Variants in NHSL1 observed in about 807,000 individuals in gnomAD.
NHSL1 encodes the protein NHS like 1.
Under a neutral mutation model 95.0 loss-of-function variants are expected in NHSL1, and 48 were observed. That is an observed-to-expected ratio of 0.51 (90% CI 0.40 to 0.64). NHSL1 has a LOEUF of 0.64. NHSL1 is among the 30% of genes least tolerant of loss of function. The pLI, the probability that NHSL1 is intolerant of heterozygous loss-of-function variation, is 0.00. For synonymous variants in NHSL1, 783 were observed against 833.9 expected (o/e 0.94, Z 1.05); for missense variants, 1,971 against 2,077.7 (o/e 0.95, Z 1.00).
intron 1 of NHSL1, among the ~76,000 whole-genome samples, chr6:138,672,072 A>G (rs1174342445): frequency 2.0e-5 from 3 of 152,170 alleles, no homozygotes; most frequent in Non-Finnish European, 4.4e-5. Context: ...ACAGAGGAAA[A>G]TTTCTTTAAA....
chr6:138,441,964 C>T lies in NHSL1; in HGVS notation c.664+19G>A. 6.5e-7 allele frequency: 1 copy of T among 1,541,560 alleles called. No individual in the cohort carries two copies. Among genetic ancestry groups the T allele is most frequent in the Non-Finnish European group, 8.8e-7 (1 of 1,142,654 alleles). On this transcript the variant is annotated intron_variant, in intron 5 of 7. Transcript: ENST00000343505. ...AGCAGCAGTGAAGGGCAACAGAATA[C>T]AGTTCTGATGAGCCATACCTAGCTC...
At position 138,424,426 on chromosome 6, in the gene NHSL1, A is replaced by T; in HGVS notation, c.4476T>A (p.Phe1492Leu). The change falls in exon 8 of 8, where the codon TTT becomes TTA. Residue 1492 changes from phenylalanine to leucine, a missense_variant. Phe to Leu is a conservative substitution (Grantham distance 22). Around this residue, in one of 3 missense-constraint regions of NHSL1, gnomAD observed 223 missense variants for 217.0 expected, o/e 1.03. Coordinates refer to ENST00000343505, the MANE Select transcript of NHSL1 (RefSeq NM_001144060.2). The surrounding 1 kb of genome is among the most constrained non-coding windows in gnomAD (Gnocchi z 5.9). Reference sequence around the variant, plus strand: ...GGCTGCGGCCGTACCTGGGGCCGGAAAAGGACAGACTCCGAGGCATCAAGC... The same window carrying T: ...GGCTGCGGCCGTACCTGGGGCCGGATAAGGACAGACTCCGAGGCATCAAGC... ...NEGLMPRSLSFSGPRYGRSRT... is the reference protein window; with the variant it reads ...NEGLMPRSLSLSGPRYGRSRT... The T allele has an allele frequency of 6.5e-7, 1 of 1,550,380 alleles. No individual in the cohort carries two copies. Among genetic ancestry groups the T allele is most frequent in the Non-Finnish European group, 8.7e-7 (1 of 1,146,158 alleles).
chr6:138,514,784 G>A (rs1781390736), intron 1 of NHSL1, among the ~76,000 whole-genome samples: 1 of 152,128 alleles, frequency 6.6e-6, no homozygotes, highest in Non-Finnish European at 1.5e-5. Context: ...TCAGCCAGAT[G>A]TAGTGGCTCA....
intron 1 of NHSL1, among the ~76,000 whole-genome samples, chr6:138,631,136 A>G (rs1784813870): frequency 6.6e-6 from 1 of 152,160 alleles, no homozygotes; most frequent in Admixed American, 6.5e-5. Context: ...GACCAAACTC[A>G]GCTGACGCCC....
At chr6:138,682,931 T>C (rs1785532156) in intron 1 of NHSL1, among the ~76,000 whole-genome samples, 1 of 152,218 alleles carries the variant, frequency 6.6e-6, no homozygotes, top group Admixed American at 6.5e-5. Context: ...AGGTGCAGGC[T>C]GAGCCCGTCA....
chr6:138,484,038 A>G (rs1301446319), intron 2 of NHSL1, among the ~76,000 whole-genome samples: 2 of 152,200 alleles, frequency 1.3e-5, no homozygotes, highest in African/African-American at 4.8e-5. Flanking sequence ...TTTGAGTAAT[A>G]AGAGGATGAG....
At chr6:138,546,613 C>CA (rs890019092), upstream of NHSL1, among the ~76,000 whole-genome samples, 2 of 151,532 alleles carry the variant, frequency 1.3e-5, no homozygotes, top group Non-Finnish European at 2.9e-5. Flanking sequence ...TGTCTCAAAA[C>CA]AAAAAACAAA....
rs36008081 is a variant in NHSL1 at position 138,598,459 on chromosome 6, G to GAA, written c.96+94015_96+94016dup. Reference sequence around the variant, plus strand: ...GGTGGCAGAGCAAGACTCCATCTTGGAAAAAAAAAAAAATAGCCAGATGTG... The same window carrying GAA: ...GGTGGCAGAGCAAGACTCCATCTTGGAAAAAAAAAAAAAAATAGCCAGATGTG... On this transcript the variant is annotated intron_variant, in intron 1 of 3. Transcript: ENST00000491526. Among the ~76,000 whole-genome samples the GAA allele has an allele frequency of 6.5e-3, 922 of 142,284 alleles. 8 individuals are homozygous for GAA. The highest frequency in any genetic ancestry group is 8.7e-3 in the Non-Finnish European group (564 of 65,100). The allele number at this position is 142,284 out of a possible 152,430, so 93.3% of individuals were successfully genotyped here.
intron 1 of NHSL1, among the ~76,000 whole-genome samples, chr6:138,655,842 T>C (rs1785149493): frequency 6.6e-6 from 1 of 152,212 alleles, no homozygotes; most frequent in Non-Finnish European, 1.5e-5. Flanking sequence ...TCTCTTTTTG[T>C]ATTAATACAA....
At chr6:138,441,695 T>C (rs539946429) in intron 5 of NHSL1, among the ~76,000 whole-genome samples, 1 of 152,356 alleles carries the variant, frequency 6.6e-6, no homozygotes, top group South Asian at 2.1e-4. Flanking sequence ...CAATGTTCCA[T>C]GTCACATAAC....
chr6:138,475,699 A>T (rs1468725258), intron 2 of NHSL1, among the ~76,000 whole-genome samples: 3 of 152,096 alleles, frequency 2.0e-5, no homozygotes, highest in Non-Finnish European at 4.4e-5. Flanking sequence ...TAATCCCAGC[A>T]CTTTGGGAGG....
At chr6:138,467,167 T>A (rs953726071) in intron 3 of NHSL1, among the ~76,000 whole-genome samples, 14 of 151,746 alleles carry the variant, frequency 9.2e-5, no homozygotes, top group South Asian at 2.1e-4. Flanking sequence ...ATATATATAT[T>A]TTTTTGAGAC....
intron 1 of NHSL1, among the ~76,000 whole-genome samples, chr6:138,651,409 A>G (rs1785091502): frequency 6.6e-6 from 1 of 152,236 alleles, no homozygotes; most frequent in Admixed American, 6.5e-5. Context: ...TTCTTTCATC[A>G]AGCCAATTGG....
chr6:138,500,503 T>C (rs914652144), upstream of NHSL1, among the ~76,000 whole-genome samples: 14 of 152,260 alleles, frequency 9.2e-5, no homozygotes, highest in Non-Finnish European at 1.6e-4. Context: ...TTCCACTTCA[T>C]GGCCAAACAC....
In NHSL1 at chr6:138,582,389, G is replaced by A. The variant is rs544175027; in HGVS notation, c.97-86018C>T. On this transcript the variant is annotated intron_variant, in intron 1 of 3. Coordinates refer to the NHSL1 transcript ENST00000491526. The stretch of plus-strand genomic sequence containing the variant: ...AAAAGAACAGAAAAAAAAGAGATGG[G>A]ACCAAAAAAAAAAGAGATGGGACCA... Among the ~76,000 whole-genome samples the A allele has an allele frequency of 2.0e-4, 30 of 147,746 alleles. No homozygotes were observed. The South Asian group carries it at 5.7e-3, about 28-fold the overall frequency.
intron 2 of NHSL1, among the ~76,000 whole-genome samples, chr6:138,488,133 C>T (rs571071249): frequency 1.3e-5 from 2 of 152,226 alleles, no homozygotes; most frequent in South Asian, 2.1e-4. Flanking sequence ...CAAAAATTAG[C>T]TGGGCATGGT....
At chr6:138,508,635 T>G (rs953814308) in intron 1 of NHSL1, among the ~76,000 whole-genome samples, 7 of 152,176 alleles carry the variant, frequency 4.6e-5, no homozygotes, top group Non-Finnish European at 1.0e-4. Context: ...TCCACACTCT[T>G]TCCACCTCTA....
chr6:138,609,823 TAAATGTA>T (rs934390664), intron 1 of NHSL1, among the ~76,000 whole-genome samples: 1 of 151,492 alleles, frequency 6.6e-6, no homozygotes, highest in Admixed American at 6.6e-5. Context: ...AGTGAGATCA[TAAATGTA>T]AAGTGCTCAG....
intron 1 of NHSL1, among the ~76,000 whole-genome samples, chr6:138,667,288 A>G (rs1392948002): frequency 6.6e-6 from 1 of 152,252 alleles, no homozygotes; most frequent in Non-Finnish European, 1.5e-5. Flanking sequence ...TAGAACAAGC[A>G]TAACAAGAAA....
Sources: gnomAD v4.1 joint callset for allele counts (sites outside exome capture counted in the v4.1 genomes callset) on GRCh38, gnomAD v4.1.1 for gene constraint, gnomAD v4.1.1 regional missense constraint, Gnocchi (gnomAD v3.1) non-coding constraint, MANE v1.5 for transcripts, NCBI Gene and HGNC (gene_info 2026-07-23, HGNC 2026-07-21) for gene names.